Variants in ITGA9 observed in about 807,000 individuals in gnomAD.
The protein encoded by ITGA9 is integrin subunit alpha 9, also known as integrin alpha-9.
A neutral mutation model predicts 127.8 loss-of-function variants in ITGA9; 56 were observed. The observed-to-expected ratio is 0.44, with a 90% CI of 0.35 to 0.55. The LOEUF (loss-of-function observed/expected upper bound fraction) is 0.55, where lower values mean the gene tolerates loss of function less well. Among genes scored for constraint, ITGA9 ranks in the 20% least tolerant of loss-of-function variants. The probability of loss-of-function intolerance (pLI) is 0.00; values close to 1 mark genes in which losing one functional copy is unlikely to be tolerated. For missense variants in ITGA9, 1,196 were observed against 1,347.1 expected (o/e 0.89, Z 1.76); for synonymous variants, 508 against 514.5 (o/e 0.99, Z 0.17).
intron 8 of ITGA9, among the ~76,000 whole-genome samples, chr3:37,511,742 G>C (rs1393777065): frequency 6.6e-6 from 1 of 152,128 alleles, no homozygotes; most frequent in Non-Finnish European, 1.5e-5. Context: ...AGATGGCCTT[G>C]GCATATCACT....
At chr3:37,622,225 CT>C (rs1161495188) in intron 15 of ITGA9, among the ~76,000 whole-genome samples, 1 of 150,406 alleles carries the variant, frequency 6.6e-6, no homozygotes, top group Non-Finnish European at 1.5e-5. Flanking sequence ...GCAGCTGGGA[CT>C]ACAGGCGCCC....
At chr3:37,500,861 G>A (rs1342435461) in intron 5 of ITGA9, among the ~76,000 whole-genome samples, 1 of 152,224 alleles carries the variant, frequency 6.6e-6, no homozygotes, top group African/African-American at 2.4e-5. Context: ...GGTTTCAGCA[G>A]TGAGAGACTT....
chr3:37,820,462 A>ACT lies in ITGA9; in HGVS notation c.*1474_*1475insTC, dbSNP rs1697500001. On this transcript the variant is annotated 3_prime_UTR_variant, in exon 28 of 28. Transcript: ENST00000264741. Reference sequence around the variant, plus strand: ...AAATGATGCAAAGGATCTGAGCAGAACACTGCCCCTCCCCACCCCCTGAAT... The same window carrying ACT: ...AAATGATGCAAAGGATCTGAGCAGAACTCACTGCCCCTCCCCACCCCCTGAAT... 2.6e-5 allele frequency: 4 copies of ACT among 152,450 alleles called. No homozygotes were observed. The highest frequency in any genetic ancestry group is 1.3e-4 in the Admixed American group (2 of 15,280). 9.4% of individuals were successfully genotyped at this position (152,450 alleles called of 1,614,324 possible).
At chr3:37,645,206 C>T (rs912028487) in intron 16 of ITGA9, among the ~76,000 whole-genome samples, 2 of 152,172 alleles carry the variant, frequency 1.3e-5, no homozygotes, top group African/African-American at 2.4e-5. Context: ...AATGTCACTC[C>T]TGTCATCCAG....
chr3:37,633,288 G>T (rs1473942987), intron 16 of ITGA9, among the ~76,000 whole-genome samples: 1 of 152,106 alleles, frequency 6.6e-6, no homozygotes, highest in Non-Finnish European at 1.5e-5. Context: ...ATAATTACCT[G>T]TACAGATTCT....
At chr3:37,592,096 T>C (rs886600908) in intron 15 of ITGA9, among the ~76,000 whole-genome samples, 2 of 152,104 alleles carry the variant, frequency 1.3e-5, no homozygotes, top group African/African-American at 4.8e-5. Flanking sequence ...CTTTCATTCC[T>C]CCAGCCTGTC....
At chr3:37,668,304 G>A (rs188164755) in intron 17 of ITGA9, among the ~76,000 whole-genome samples, 82 of 152,340 alleles carry the variant, frequency 5.4e-4, no homozygotes, top group Non-Finnish European at 9.3e-4. Flanking sequence ...CACCCGGGAA[G>A]GCTGAGTCTA....
At chr3:37,605,330 C>G (rs574276067) in intron 15 of ITGA9, among the ~76,000 whole-genome samples, 1 of 152,100 alleles carries the variant, frequency 6.6e-6, no homozygotes, top group African/African-American at 2.4e-5. Flanking sequence ...TTTCATTTGA[C>G]GAGCCATGGG....
intron 17 of ITGA9, among the ~76,000 whole-genome samples, chr3:37,656,844 T>TA (rs141725636): frequency 0.59 from 88,934 of 151,816 alleles, 26,810 homozygotes; most frequent in African/African-American, 0.73. Flanking sequence ...AAACAGCTCT[T>TA]TTTTTTTGAG....
At position 37,746,610 on chromosome 3, in the gene ITGA9, C is replaced by A. The variant is rs912058724; in HGVS notation, c.2433+2576C>A. Reference sequence around the variant, plus strand: ...GCATCCTTTTCTTCATTGCTTACCCCATTCATGCTTGAAATGGGATTTCCC... The same window carrying A: ...GCATCCTTTTCTTCATTGCTTACCCAATTCATGCTTGAAATGGGATTTCCC... On this transcript the variant is annotated intron_variant, in intron 22 of 27. Transcript: ENST00000264741. 5.3e-5 allele frequency among the ~76,000 whole-genome samples: 8 copies of A among 152,296 alleles called. No homozygotes were observed. In the South Asian group the frequency reaches 8.3e-4, roughly 16 times the overall value.
chr3:37,573,721 A>T (rs1173889589), intron 15 of ITGA9, among the ~76,000 whole-genome samples: 1 of 152,172 alleles, frequency 6.6e-6, no homozygotes, highest in Non-Finnish European at 1.5e-5. Context: ...AAGGAAGGAA[A>T]TATATTTTTA....
chr3:37,592,963 A>G (rs972051096), intron 15 of ITGA9, among the ~76,000 whole-genome samples: 4 of 152,220 alleles, frequency 2.6e-5, no homozygotes, highest in Non-Finnish European at 4.4e-5. Flanking sequence ...GCCTGAAACC[A>G]TAGCACCTGA....
chr3:37,748,133 GGAAAGGCACCT>G (rs1171618248), intron 22 of ITGA9: 7 of 489,962 alleles, frequency 1.4e-5, no homozygotes, highest in Non-Finnish European at 8.0e-6. Flanking sequence ...AAGGGAAAGA[GGAAAGGCACCT>G]GATATATGTT....
chr3:37,694,666 G>C (rs937836702), intron 18 of ITGA9, among the ~76,000 whole-genome samples: 10 of 152,146 alleles, frequency 6.6e-5, no homozygotes, highest in African/African-American at 2.4e-4. Context: ...GTGAATCTGT[G>C]GGGGGAATTT....
intron 1 of ITGA9, among the ~76,000 whole-genome samples, chr3:37,456,003 G>A (rs1328549927): frequency 1.3e-5 from 2 of 152,132 alleles, no homozygotes; most frequent in East Asian, 3.8e-4. Flanking sequence ...CTAATCGGAG[G>A]ATCCTAGATC....
intron 16 of ITGA9, among the ~76,000 whole-genome samples, chr3:37,653,430 G>A (rs751537698): frequency 6.6e-6 from 1 of 152,112 alleles, no homozygotes; most frequent in Non-Finnish European, 1.5e-5. Context: ...CCACCACCAC[G>A]TACCTCTCTT....
chr3:37,519,643 T>C (rs1699024759), intron 11 of ITGA9, among the ~76,000 whole-genome samples: 2 of 152,236 alleles, frequency 1.3e-5, no homozygotes, highest in Non-Finnish European at 2.9e-5. Context: ...GAAAGGAAGC[T>C]TTCTCTTTTT....
intron 17 of ITGA9, among the ~76,000 whole-genome samples, chr3:37,675,186 C>A (rs540414121): frequency 6.6e-6 from 1 of 152,254 alleles, no homozygotes; most frequent in African/African-American, 2.4e-5. Flanking sequence ...AGATGTGCAG[C>A]CCCCCGCCTT....
chr3:37,638,542 C>G (rs1700302743), intron 16 of ITGA9, among the ~76,000 whole-genome samples: 1 of 151,856 alleles, frequency 6.6e-6, no homozygotes, highest in African/African-American at 2.4e-5. Flanking sequence ...CTGCAGGAAG[C>G]AGAGCTGATC....
Sources: gnomAD v4.1 joint callset for allele counts (sites outside exome capture counted in the v4.1 genomes callset) on GRCh38, gnomAD v4.1.1 for gene constraint, MANE v1.5 for transcripts, NCBI Gene and HGNC (gene_info 2026-07-23, HGNC 2026-07-21) for gene names.